The following RANBP2 variants were observed in gnomAD, a reference collection of about 807,000 sequenced individuals.
RANBP2 encodes E3 SUMO-protein ligase RanBP2.
Under a neutral mutation model 303.6 loss-of-function variants are expected in RANBP2, and 57 were observed. The ratio of observed to expected loss-of-function variants is 0.19; its 90% CI spans 0.15 to 0.23. The LOEUF is 0.23. Ranked by LOEUF, RANBP2 falls within the 10% of genes least tolerant of loss-of-function variation. The pLI, the probability that RANBP2 is intolerant of heterozygous loss-of-function variation, is 1.00. For missense variants in RANBP2, 3,138 were observed against 3,780.8 expected, an observed-to-expected ratio of 0.83 and a Z score of 4.46; for synonymous variants, 1,167 against 1,301.5, an observed-to-expected ratio of 0.90 and a Z score of 2.23.
the RANBP2 span, among the ~76,000 whole-genome samples, chr2:109,089,899 G>T: frequency 2.0e-5 from 3 of 152,256 alleles, no homozygotes; most frequent in African/African-American, 7.2e-5. Flanking sequence ...GGGCATCATC[G>T]CATGGCAGGC....
At chr2:108,910,302 G>T in the RANBP2 span, among the ~76,000 whole-genome samples, 1 of 152,178 alleles carries the variant, frequency 6.6e-6, no homozygotes, top group African/African-American at 2.4e-5. Flanking sequence ...CCTGACCCCT[G>T]CCAGTCAGCA....
At chr2:109,597,729 T>C in the RANBP2 span, among the ~76,000 whole-genome samples, 2 of 152,246 alleles carry the variant, frequency 1.3e-5, no homozygotes, top group African/African-American at 4.8e-5. Flanking sequence ...ATATACTTTT[T>C]AAAAAGTTGT....
At chr2:109,361,177 A>C in the RANBP2 span, among the ~76,000 whole-genome samples, 1 of 152,182 alleles carries the variant, frequency 6.6e-6, no homozygotes, top group African/African-American at 2.4e-5. Context: ...GATAAATTCC[A>C]CTTGGCTGTG....
the RANBP2 span, among the ~76,000 whole-genome samples, chr2:109,445,863 T>C: frequency 6.6e-6 from 1 of 152,184 alleles, no homozygotes; most frequent in Non-Finnish European, 1.5e-5. Flanking sequence ...GATCATTTAT[T>C]CATTCCCCTA....
chr2:109,325,148 G>A, the RANBP2 span, among the ~76,000 whole-genome samples: 3 of 152,002 alleles, frequency 2.0e-5, no homozygotes, highest in Non-Finnish European at 4.4e-5. Flanking sequence ...TTCCTCTGCA[G>A]TGCTCGGAAA....
the RANBP2 span, among the ~76,000 whole-genome samples, chr2:109,666,922 A>G: frequency 6.6e-6 from 1 of 152,148 alleles, no homozygotes; most frequent in African/African-American, 2.4e-5. Context: ...AGTATAAGCT[A>G]TTTGTATTTG....
At chr2:109,088,252 C>T in the RANBP2 span, among the ~76,000 whole-genome samples, 1 of 151,846 alleles carries the variant, frequency 6.6e-6, no homozygotes, top group Non-Finnish European at 1.5e-5. Flanking sequence ...CAAAAATTAG[C>T]CAGGCATGGT....
chr2:109,476,017 A>G, the RANBP2 span, among the ~76,000 whole-genome samples: 1 of 152,222 alleles, frequency 6.6e-6, no homozygotes, highest in Non-Finnish European at 1.5e-5. Flanking sequence ...CCTGCTGATG[A>G]GTAAGTCCTG....
At chr2:109,401,837 G>C in the RANBP2 span, among the ~76,000 whole-genome samples, 1 of 152,192 alleles carries the variant, frequency 6.6e-6, no homozygotes, top group African/African-American at 2.4e-5. Flanking sequence ...ATGTCTATTG[G>C]GGCTGGAAGG....
the RANBP2 span, among the ~76,000 whole-genome samples, chr2:109,500,339 A>G: frequency 5.9e-5 from 9 of 152,282 alleles, no homozygotes; most frequent in African/African-American, 2.2e-4. Flanking sequence ...AGCACCTGCC[A>G]CAGCCCAGAG....
At chr2:109,615,505 G>C in the RANBP2 span, 1 of 1,613,816 alleles carries the variant, frequency 6.2e-7, no homozygotes, top group Non-Finnish European at 8.5e-7. Context: ...GCCAGGACGA[G>C]CGGGGGTTAC....
At chr2:109,363,302 C>G in the RANBP2 span, among the ~76,000 whole-genome samples, 1 of 152,094 alleles carries the variant, frequency 6.6e-6, no homozygotes, top group Non-Finnish European at 1.5e-5. Context: ...AGCCCACTTT[C>G]AAATAACTGT....
the RANBP2 span, among the ~76,000 whole-genome samples, chr2:109,379,199 A>T: frequency 6.6e-6 from 1 of 152,172 alleles, no homozygotes; most frequent in African/African-American, 2.4e-5. Flanking sequence ...GTTACCCATC[A>T]TTTCACCTTG....
chr2:109,159,950 A>G, the RANBP2 span, among the ~76,000 whole-genome samples: 1 of 152,212 alleles, frequency 6.6e-6, no homozygotes, highest in Non-Finnish European at 1.5e-5. Flanking sequence ...ATTCTATATT[A>G]CAATGTAATA....
the RANBP2 span, among the ~76,000 whole-genome samples, chr2:109,207,872 T>C: frequency 1.8e-4 from 27 of 152,324 alleles, no homozygotes; most frequent in Admixed American, 1.6e-3. Flanking sequence ...ATTTAACAAA[T>C]TGGCCTATGG....
At chr2:109,219,103 G>C in the RANBP2 span, among the ~76,000 whole-genome samples, 1 of 152,162 alleles carries the variant, frequency 6.6e-6, no homozygotes, top group Non-Finnish European at 1.5e-5. Flanking sequence ...AACTGGCATT[G>C]CACATGACTG....
At chr2:109,268,738 AT>A in the RANBP2 span, among the ~76,000 whole-genome samples, 1 of 89,546 alleles carries the variant, frequency 1.1e-5, no homozygotes, top group East Asian at 6.2e-4. Context: ...TTAATACTTT[AT>A]TATAAAAAAA....
At chr2:109,546,321 C>G in the RANBP2 span, 1 of 834,644 alleles carries the variant, frequency 1.2e-6, no homozygotes, top group Admixed American at 2.8e-5. Flanking sequence ...AAAGGCGGAC[C>G]CCATAGCGCA....
the RANBP2 span, among the ~76,000 whole-genome samples, chr2:109,229,452 T>G: frequency 1.3e-5 from 2 of 152,220 alleles, no homozygotes; most frequent in Non-Finnish European, 2.9e-5. Flanking sequence ...CTCCATGGAC[T>G]CCTCTGGCTA....
Sources: allele counts gnomAD v4.1 joint callset (sites outside exome capture counted in the v4.1 genomes callset), GRCh38; gene constraint gnomAD v4.1.1; transcripts MANE v1.5; gene names NCBI Gene and HGNC (gene_info 2026-07-23, HGNC 2026-07-21).